The following CEP55 variants were observed in gnomAD, a reference collection of about 807,000 sequenced individuals.
The protein encoded by CEP55 is centrosomal protein of 55 kDa.
CEP55 carries 57 observed loss-of-function variants against 63.2 expected under a neutral mutation model. That is an observed-to-expected ratio of 0.90 (90% CI 0.73 to 1.13). CEP55 has a LOEUF of 1.13. CEP55 is among the 50% of genes most tolerant of loss of function. CEP55 has a pLI of 0.00. For synonymous variants in CEP55, 178 were observed against 191.6 expected (o/e 0.93, Z 0.59); for missense variants, 456 against 518.9 (o/e 0.88, Z 1.18).
At position 93,528,131 on chromosome 10, in the gene CEP55, A is replaced by G. The variant is rs753355777; in HGVS notation, c.1373A>G (p.His458Arg). ...ACTGAGCATCGCGATCTGCTTGTCC[A>G]TGTGGAATACTGTTCAAAGTAGCAA... is the stretch of plus-strand genomic sequence containing the variant. The part of the protein sequence containing the change: ...PATEHRDLLV[H>R]VEYCSK The change falls in exon 9 of 9, where the codon CAT (histidine) becomes CGT (arginine). Residue 458 changes from histidine (H) to arginine (R), a missense_variant. Coordinates refer to ENST00000371485, the MANE Select transcript of CEP55 (RefSeq NM_018131.5). The G allele has an allele frequency of 6.8e-6, 11 of 1,613,856 alleles. No individual in the cohort carries two copies. The highest frequency in any genetic ancestry group is 5.0e-5 in the Admixed American group (3 of 59,966).
chr10:93,498,551 C>T (rs537932262), intron 1 of CEP55, among the ~76,000 whole-genome samples: 1 of 152,286 alleles, frequency 6.6e-6, no homozygotes, highest in Non-Finnish European at 1.5e-5. Context: ...CCAGGACTAA[C>T]CTTTTGATAG....
chr10:93,501,622 G>A (rs1004202719), intron 2 of CEP55, among the ~76,000 whole-genome samples: 1 of 151,694 alleles, frequency 6.6e-6, no homozygotes, highest in African/African-American at 2.4e-5. Context: ...AGCCAAGATC[G>A]CACCACTGCA....
Position 93,528,136 on chromosome 10 carries a change from G to T in CEP55, c.1378G>T (p.Glu460Ter). Residue 460 changes from glutamate to a stop codon, truncating the protein, a stop_gained, in exon 9 of 9, where the codon GAA becomes TAA. Coordinates refer to ENST00000371485, the MANE Select transcript of CEP55 (RefSeq NM_018131.5). LOFTEE classifies it high-confidence loss of function. ...GCATCGCGATCTGCTTGTCCATGTG[G>T]AATACTGTTCAAAGTAGCAAAATAA... ...TEHRDLLVHV[E>*]YCSK 1.9e-6 allele frequency: 3 copies of T among 1,613,670 alleles called. No individual in the cohort carries two copies. Among genetic ancestry groups the T allele is most frequent in the Non-Finnish European group, 2.5e-6 (3 of 1,179,702 alleles).
At position 93,517,230 on chromosome 10, in the gene CEP55, C is replaced by T. The variant is rs138021639; in HGVS notation, c.975C>T (p.Ser325=). Residue 325 remains serine (S), a synonymous_variant, in exon 6 of 9, where the codon TCC becomes TCT. Transcript: ENST00000371485. ...AACTTGAAGAAGAGAAGAAGAGATC[C>T]GAAGAGCTCTTATCTCAGGTAAACT... The part of the protein sequence containing the change: ...RGKLEEEKKR[S]EELLSQVQFL... The T allele has an allele frequency of 8.1e-5, 129 of 1,599,224 alleles. 1 individual carries two copies. The Middle Eastern group carries it at 2.2e-3, about 27-fold the overall frequency.
rs1244805433 is a variant in CEP55, at chr10:93,528,827, TA to T, written c.*675del. 2 of 152,286 alleles carry T rather than the reference TA, an allele frequency of 1.3e-5. No individual in the cohort carries two copies. Among genetic ancestry groups the T allele is most frequent in the Admixed American group, 6.5e-5 (1 of 15,282 alleles). The allele number at this position is 152,286 out of a possible 1,614,324, so 9.4% of individuals were successfully genotyped here. The stretch of plus-strand genomic sequence containing the variant: ...ATCTGGCAGTAACTGTAACTTGAAT[TA>T]CATTAGCACATTCTGCTTAGCTAAA... On this transcript the variant is annotated 3_prime_UTR_variant, in exon 9 of 9. Coordinates refer to ENST00000371485, the MANE Select transcript of CEP55 (RefSeq NM_018131.5).
At chr10:93,525,966 C>T (rs1300705439) in intron 8 of CEP55, among the ~76,000 whole-genome samples, 1 of 152,150 alleles carries the variant, frequency 6.6e-6, no homozygotes, top group Admixed American at 6.6e-5. Flanking sequence ...ACATGTTAGA[C>T]CTAAAACCAT....
At chr10:93,515,890 G>T (rs981073026) in intron 5 of CEP55, among the ~76,000 whole-genome samples, 2 of 152,004 alleles carry the variant, frequency 1.3e-5, no homozygotes, top group Non-Finnish European at 2.9e-5. Flanking sequence ...TTTTCACTTT[G>T]CTTCCCTTCA....
intron 8 of CEP55, among the ~76,000 whole-genome samples, chr10:93,526,938 T>TG (rs1220781218): frequency 1.3e-5 from 2 of 151,484 alleles, no homozygotes; most frequent in Non-Finnish European, 2.9e-5. Flanking sequence ...TGTTGTGGGG[T>TG]GGGGGGAGTG....
intron 4 of CEP55, among the ~76,000 whole-genome samples, 164 bp downstream of exon 4, chr10:93,507,220 A>C (rs2057698136): frequency 7.4e-6 from 1 of 134,562 alleles, no homozygotes. Flanking sequence ...TTCTAAGCAT[A>C]GTCCCTTTTT....
intron 8 of CEP55, among the ~76,000 whole-genome samples, chr10:93,524,524 A>G (rs1589660415): frequency 6.6e-6 from 1 of 152,190 alleles, no homozygotes; most frequent in South Asian, 2.1e-4. Flanking sequence ...GGAGGAGCTG[A>G]TACCATTCCT....
At chr10:93,520,132 A>T (rs1431168254) in intron 8 of CEP55, 1 of 323,720 alleles carries the variant, frequency 3.1e-6, no homozygotes, top group Non-Finnish European at 5.9e-6. Flanking sequence ...TTTATCTATT[A>T]AAAAAGAAAG....
intron 4 of CEP55, among the ~76,000 whole-genome samples, chr10:93,513,671 G>A (rs1422358362): frequency 6.6e-6 from 1 of 152,132 alleles, no homozygotes; most frequent in Non-Finnish European, 1.5e-5. Context: ...TCAGAAATCT[G>A]TATTCCACTC....
At position 93,503,245 on chromosome 10, in the gene CEP55, G is replaced by A. The variant is rs149650585; in HGVS notation, c.316G>A (p.Glu106Lys). Reference protein sequence around the residue: ...STTTLLEQLEETTREGERREQ... With the variant: ...STTTLLEQLEKTTREGERREQ... ...TACCACATTGCTTGAACAGCTGGAAGAGACAACGAGAGAAGGAGAAAGGAG... is the reference window on the plus strand; with the variant it reads ...TACCACATTGCTTGAACAGCTGGAAAAGACAACGAGAGAAGGAGAAAGGAG... Residue 106 changes from glutamate to lysine, a missense_variant, in exon 3 of 9, where the codon GAG becomes AAG. Physicochemically the swap from Glu to Lys is moderately conservative, Grantham distance 56. Transcript: ENST00000371485. 3 of 1,614,106 alleles carry A rather than the reference G, an allele frequency of 1.9e-6. No homozygotes were observed. The highest frequency in any genetic ancestry group is 2.5e-6 in the Non-Finnish European group (3 of 1,179,982).
At chr10:93,521,180 G>A (rs2057857917) in intron 8 of CEP55, among the ~76,000 whole-genome samples, 1 of 151,302 alleles carries the variant, frequency 6.6e-6, no homozygotes, top group Admixed American at 6.5e-5. Context: ...AGGGGTCAGG[G>A]AATTCCCTTT....
intron 6 of CEP55, among the ~76,000 whole-genome samples, 155 bp downstream of exon 6, chr10:93,517,403 A>G (rs2057816239): frequency 6.6e-6 from 1 of 152,210 alleles, no homozygotes; most frequent in Admixed American, 6.5e-5. Flanking sequence ...TAAACAATAA[A>G]TAAGGAAACT....
At chr10:93,520,790 G>T (rs1238466425) in intron 8 of CEP55, among the ~76,000 whole-genome samples, 1 of 151,906 alleles carries the variant, frequency 6.6e-6, no homozygotes, top group Non-Finnish European at 1.5e-5. Flanking sequence ...AATGATAAAA[G>T]TAAAAATCAC....
intron 1 of CEP55, among the ~76,000 whole-genome samples, chr10:93,498,314 G>T (rs1212920936): frequency 6.6e-6 from 1 of 152,098 alleles, no homozygotes; most frequent in Non-Finnish European, 1.5e-5. Flanking sequence ...ATGTTTGGGG[G>T]TTCTTTCACG....
intron 7 of CEP55, 70 bp downstream of exon 7, chr10:93,519,018 C>A: frequency 8.6e-7 from 1 of 1,165,534 alleles, no homozygotes; most frequent in Non-Finnish European, 1.3e-6. Context: ...CATGTTTATG[C>A]TGTTCTATGG....
intron 4 of CEP55, among the ~76,000 whole-genome samples, chr10:93,510,937 C>CTTTTT (rs572255812): frequency 1.7e-5 from 2 of 118,098 alleles, no homozygotes; most frequent in East Asian, 2.7e-4. Flanking sequence ...TTCCACAGGA[C>CTTTTT]TTTTTTTTTT....
Sources: gnomAD v4.1 joint callset for allele counts (sites outside exome capture counted in the v4.1 genomes callset) on GRCh38, gnomAD v4.1.1 for gene constraint, MANE v1.5 for transcripts, NCBI Gene and HGNC (gene_info 2026-07-23, HGNC 2026-07-21) for gene names.